Variants in BACH2 observed in about 807,000 individuals in gnomAD.
BACH2 encodes transcription regulator protein BACH2.
A neutral mutation model predicts 61.8 loss-of-function variants in BACH2; 5 were observed. The ratio of observed to expected loss-of-function variants is 0.08; its 90% confidence interval spans 0.04 to 0.17. The LOEUF is 0.17. Ranked by LOEUF, BACH2 falls within the 10% of genes least tolerant of loss-of-function variation. BACH2 has a pLI of 1.00. For missense variants in BACH2, 824 were observed against 1,091.1 expected (o/e 0.76, Z 3.45); for synonymous variants, 446 against 440.1 (o/e 1.01, Z -0.17).
intron 3 of BACH2, among the ~76,000 whole-genome samples, chr6:90,234,646 T>C (rs1007651174): frequency 1.3e-5 from 2 of 152,270 alleles, no homozygotes; most frequent in Admixed American, 1.3e-4. Flanking sequence ...TAGAATTAAA[T>C]AAAACAATGT....
chr6:90,274,020 T>G (rs1013121124), intron 1 of BACH2, among the ~76,000 whole-genome samples: 5 of 152,208 alleles, frequency 3.3e-5, no homozygotes, highest in Admixed American at 6.5e-5. Flanking sequence ...AGCTCACGTT[T>G]CTCCGTGCTC....
intron 2 of BACH2, among the ~76,000 whole-genome samples, chr6:90,255,573 G>A (rs1238672869): frequency 6.6e-6 from 1 of 152,136 alleles, no homozygotes; most frequent in Non-Finnish European, 1.5e-5. Flanking sequence ...TGATTTAAGG[G>A]AAGAGAAGAG....
At chr6:90,188,311 A>T (rs991279346) in intron 4 of BACH2, among the ~76,000 whole-genome samples, 1 of 152,210 alleles carries the variant, frequency 6.6e-6, no homozygotes, top group Non-Finnish European at 1.5e-5. Context: ...ACACACCATG[A>T]ATTTGTTTAA....
At chr6:90,172,305 C>CAAAAAA (rs10713693) in intron 4 of BACH2, among the ~76,000 whole-genome samples, 1 of 83,616 alleles carries the variant, frequency 1.2e-5, no homozygotes, top group Admixed American at 1.2e-4. Context: ...GACTCCATCT[C>CAAAAAA]AAAAAAAAAA....
intron 4 of BACH2, among the ~76,000 whole-genome samples, chr6:90,196,268 G>C (rs1768754932): frequency 6.6e-6 from 1 of 152,048 alleles, no homozygotes; most frequent in African/African-American, 2.4e-5. Flanking sequence ...CAATGCCATA[G>C]GTTTTGTTTC....
intron 3 of BACH2, among the ~76,000 whole-genome samples, chr6:90,244,442 G>A (rs1342756039): frequency 6.6e-6 from 1 of 152,164 alleles, no homozygotes; most frequent in Non-Finnish European, 1.5e-5. Flanking sequence ...CAGAAACTCT[G>A]CTGTGATCTC....
At chr6:89,978,116 C>A (rs777276216) in intron 6 of BACH2, among the ~76,000 whole-genome samples, 3 of 152,106 alleles carry the variant, frequency 2.0e-5, no homozygotes, top group Non-Finnish European at 4.4e-5. Context: ...ATTTTCAAGT[C>A]ATTAGGAAGA....
At chr6:90,186,830 A>C (rs1768373969) in intron 4 of BACH2, among the ~76,000 whole-genome samples, 1 of 152,172 alleles carries the variant, frequency 6.6e-6, no homozygotes, top group African/African-American at 2.4e-5. Context: ...GGTTTAGGAA[A>C]AGGTTAGGGA....
chr6:90,031,477 C>T (rs1778979777), intron 5 of BACH2, among the ~76,000 whole-genome samples: 1 of 152,128 alleles, frequency 6.6e-6, no homozygotes, highest in African/African-American at 2.4e-5. Flanking sequence ...CCCAAAATCT[C>T]CTTAAGCTGA....
intron 5 of BACH2, among the ~76,000 whole-genome samples, chr6:90,042,119 C>A (rs1159327835): frequency 6.6e-6 from 1 of 152,178 alleles, no homozygotes; most frequent in African/African-American, 2.4e-5. Context: ...GGAAACTGAT[C>A]ATTTAAAAAG....
chr6:89,975,992 C>G (rs1277284663), intron 6 of BACH2, among the ~76,000 whole-genome samples: 1 of 152,242 alleles, frequency 6.6e-6, no homozygotes, highest in East Asian at 1.9e-4. Context: ...TGCTCACATT[C>G]TCTCACAGTT....
intron 2 of BACH2, among the ~76,000 whole-genome samples, chr6:90,255,641 A>G (rs1456945302): frequency 2.0e-5 from 3 of 152,228 alleles, no homozygotes; most frequent in South Asian, 4.1e-4. Context: ...AATTTGCAAA[A>G]GCAAAAAATG....
At chr6:89,977,759 C>A (rs919173945) in intron 6 of BACH2, among the ~76,000 whole-genome samples, 1 of 149,840 alleles carries the variant, frequency 6.7e-6, no homozygotes, top group Non-Finnish European at 1.5e-5. Context: ...AGATACAAGG[C>A]GGTTGAAAAA....
At chr6:90,025,351 C>T (rs971975064) in intron 5 of BACH2, among the ~76,000 whole-genome samples, 5 of 152,142 alleles carry the variant, frequency 3.3e-5, no homozygotes, top group African/African-American at 1.2e-4. Context: ...TCCATCTATT[C>T]TTCTGGGATA....
intron 3 of BACH2, among the ~76,000 whole-genome samples, chr6:90,232,876 T>A (rs1770144094): frequency 6.6e-6 from 1 of 152,222 alleles, no homozygotes; most frequent in Non-Finnish European, 1.5e-5. Context: ...CTAGCCTCAT[T>A]TTCTCACTTT....
At chr6:90,156,771 C>T (rs757357250) in intron 4 of BACH2, among the ~76,000 whole-genome samples, 5 of 152,082 alleles carry the variant, frequency 3.3e-5, no homozygotes, top group Non-Finnish European at 7.4e-5. Flanking sequence ...AACAAAAATG[C>T]TATGAAACAA....
At chr6:90,249,752 T>C (rs1163155783) in intron 3 of BACH2, among the ~76,000 whole-genome samples, 2 of 152,084 alleles carry the variant, frequency 1.3e-5, no homozygotes, top group Non-Finnish European at 2.9e-5. Flanking sequence ...TCTAGCCTGG[T>C]TGACAGAGTG....
At chr6:90,221,673 T>C (rs956444924) in intron 3 of BACH2, among the ~76,000 whole-genome samples, 1 of 151,862 alleles carries the variant, frequency 6.6e-6, no homozygotes, top group Non-Finnish European at 1.5e-5. Context: ...CTTGAGGAAA[T>C]AGGGCGTGAC....
intron 4 of BACH2, among the ~76,000 whole-genome samples, chr6:90,155,637 C>T (rs1223541160): frequency 6.6e-6 from 1 of 152,178 alleles, no homozygotes; most frequent in Admixed American, 6.5e-5. Flanking sequence ...AGGCCTACAA[C>T]AAGCACCTAA....
Sources: gnomAD v4.1 joint callset for allele counts (sites outside exome capture counted in the v4.1 genomes callset) on GRCh38, gnomAD v4.1.1 for gene constraint, MANE v1.5 for transcripts, NCBI Gene and HGNC (gene_info 2026-07-23, HGNC 2026-07-21) for gene names.